The following NOTCH2NLC variants were observed in gnomAD, a reference collection of about 807,000 sequenced individuals.
The protein encoded by NOTCH2NLC is notch homolog 2 N-terminal-like protein C.
Under a neutral mutation model 17.7 loss-of-function variants are expected in NOTCH2NLC, and 4 were observed. The observed-to-expected ratio is 0.23, with a 90% CI of 0.11 to 0.52. The LOEUF (loss-of-function observed/expected upper bound fraction) is 0.52, where lower values mean the gene tolerates loss of function less well. NOTCH2NLC is among the 20% of genes least tolerant of loss of function. NOTCH2NLC has a pLI of 0.96. For synonymous variants in NOTCH2NLC, 18 were observed against 86.0 expected (o/e 0.21, Z 4.38); for missense variants, 57 against 207.2 (o/e 0.28, Z 4.45).
chr1:149,414,535 A>G (rs1466799736), intron 1 of NOTCH2NLC, among the ~76,000 whole-genome samples: 2 of 151,164 alleles, frequency 1.3e-5, no homozygotes, highest in Non-Finnish European at 3.0e-5. Context: ...ATACCCCAAG[A>G]AAAACATTTT....
rs1231791370 is a variant in NOTCH2NLC, at chr1:149,471,170, A to G, written c.*7017A>G. Reference sequence around the variant, plus strand: ...CCTTTACCTACTTTATAATTGGTTTATCTTTTTAATATTGAACTGTAATAG... The same window carrying G: ...CCTTTACCTACTTTATAATTGGTTTGTCTTTTTAATATTGAACTGTAATAG... On this transcript the variant is annotated 3_prime_UTR_variant, in exon 5 of 5. Coordinates refer to ENST00000650865, the MANE Select transcript of NOTCH2NLC (RefSeq NM_001364013.2). Among the ~76,000 whole-genome samples, 5 of 150,624 alleles carry G rather than the reference A, an allele frequency of 3.3e-5. 1 individual carries two copies. Among genetic ancestry groups the G allele is most frequent in the Non-Finnish European group, 5.9e-5 (4 of 67,420 alleles).
intron 2 of NOTCH2NLC, among the ~76,000 whole-genome samples, chr1:149,446,443 C>T (rs1359236680): frequency 6.5e-5 from 9 of 139,108 alleles, no homozygotes; most frequent in Non-Finnish European, 7.8e-5. Flanking sequence ...CAACCCCATG[C>T]GTATGTTTGA....
intron 1 of NOTCH2NLC, among the ~76,000 whole-genome samples, chr1:149,416,726 G>A (rs1457506956): frequency 6.6e-6 from 1 of 150,534 alleles, no homozygotes; most frequent in Admixed American, 6.6e-5. Flanking sequence ...TCAGTCATAG[G>A]GTAGTTTTTT....
chr1:149,429,311 A>G (rs1290499904), intron 1 of NOTCH2NLC, among the ~76,000 whole-genome samples: 1 of 150,250 alleles, frequency 6.7e-6, no homozygotes, highest in Non-Finnish European at 1.5e-5. Context: ...GGGTATAATA[A>G]TATCCACCCT....
In NOTCH2NLC at chr1:149,442,187, C is replaced by T. The variant is rs1413221815; in HGVS notation, c.209+11172C>T. The stretch of plus-strand genomic sequence containing the variant: ...TAGAAGATGGTTAGACCTTTCTATC[C>T]CTTTTAAACACAAGATTCTTTTTCA... On this transcript the variant is annotated intron_variant, in intron 2 of 4. Transcript: ENST00000650865. Among the ~76,000 whole-genome samples the T allele has an allele frequency of 2.6e-4, 38 of 148,758 alleles. 1 individual carries two copies. Among genetic ancestry groups the T allele is most frequent in the African/African-American group, 8.1e-4 (33 of 40,606 alleles).
chr1:149,432,978 A>G (rs1214229007), intron 2 of NOTCH2NLC, among the ~76,000 whole-genome samples: 2 of 149,346 alleles, frequency 1.3e-5, no homozygotes, highest in East Asian at 4.0e-4. Flanking sequence ...ACACATGCAC[A>G]TGTGTGTTTA....
chr1:149,429,909 AAG>A (rs2084436380), intron 1 of NOTCH2NLC, among the ~76,000 whole-genome samples: 1 of 150,804 alleles, frequency 6.6e-6, no homozygotes, highest in Admixed American at 6.6e-5. Flanking sequence ...ACTTCCAAGA[AAG>A]AGTTCATGAG....
chr1:149,416,751 A>G (rs1443793991), intron 1 of NOTCH2NLC, among the ~76,000 whole-genome samples: 19 of 150,554 alleles, frequency 1.3e-4, no homozygotes, highest in African/African-American at 4.4e-4. Context: ...TTTCCTGGAG[A>G]AATAATGCAT....
At chr1:149,412,207 A>G (rs1180027819) in intron 1 of NOTCH2NLC, among the ~76,000 whole-genome samples, 1 of 150,296 alleles carries the variant, frequency 6.7e-6, no homozygotes, top group Non-Finnish European at 1.5e-5. Context: ...GCTTTAGTCC[A>G]TTGTTTTTTA....
intron 2 of NOTCH2NLC, among the ~76,000 whole-genome samples, chr1:149,439,959 A>G (rs2084506194): frequency 1.3e-5 from 2 of 149,212 alleles, no homozygotes; most frequent in South Asian, 2.1e-4. Context: ...AAGAAAAGTG[A>G]AAATAAAGAC....
intron 1 of NOTCH2NLC, among the ~76,000 whole-genome samples, chr1:149,394,453 TTATC>T (rs1570897138): frequency 2.0e-5 from 3 of 151,158 alleles, no homozygotes; most frequent in Middle Eastern, 3.2e-3. Context: ...TTTCTTCTGT[TTATC>T]TGGGTGCAGT....
intron 2 of NOTCH2NLC, among the ~76,000 whole-genome samples, chr1:149,446,632 A>G: frequency 6.8e-6 from 1 of 147,200 alleles, no homozygotes. Context: ...CACTGTGCCC[A>G]GCTGAGACTT....
intron 3 of NOTCH2NLC, among the ~76,000 whole-genome samples, chr1:149,460,871 CT>C (rs1376214557): frequency 3.8e-5 from 2 of 52,918 alleles, no homozygotes; most frequent in African/African-American, 1.3e-4. Context: ...TTCTTTCTTT[CT>C]TTCTTTCTTT....
chr1:149,410,175 CAG>C (rs2084291211), intron 1 of NOTCH2NLC, among the ~76,000 whole-genome samples: 1 of 124,942 alleles, frequency 8.0e-6, no homozygotes, highest in Non-Finnish European at 1.7e-5. Flanking sequence ...AGATCTAATG[CAG>C]AGTCACATGA....
chr1:149,398,902 C>T (rs1313992827), intron 1 of NOTCH2NLC, among the ~76,000 whole-genome samples: 6 of 152,166 alleles, frequency 3.9e-5, no homozygotes, highest in African/African-American at 9.7e-5. Context: ...TGTTGCATAA[C>T]GACAGGTTGG....
chr1:149,412,751 T>C (rs1403672711), intron 1 of NOTCH2NLC, among the ~76,000 whole-genome samples: 1 of 117,400 alleles, frequency 8.5e-6, no homozygotes, highest in African/African-American at 3.2e-5. Flanking sequence ...AGGCGGAGGC[T>C]GCCATGAGCT....
At chr1:149,430,193 T>TTTCTGTA (rs2084439472) in intron 1 of NOTCH2NLC, among the ~76,000 whole-genome samples, 1 of 144,280 alleles carries the variant, frequency 6.9e-6, no homozygotes, top group African/African-American at 2.6e-5. Flanking sequence ...TAAAGTGCCT[T>TTTCTGTA]TTTATTGTCT....
At chr1:149,442,057 A>G (rs1372653948) in intron 2 of NOTCH2NLC, among the ~76,000 whole-genome samples, 3 of 148,770 alleles carry the variant, frequency 2.0e-5, no homozygotes, top group South Asian at 4.3e-4. Context: ...AGTCAGTTTT[A>G]GCCTTGTATA....
At position 149,400,114 on chromosome 1, in the gene NOTCH2NLC, A is replaced by T. The variant is rs1193034207; in HGVS notation, c.135+9192A>T. 4.8e-4 allele frequency among the ~76,000 whole-genome samples: 63 copies of T among 130,786 alleles called. 4 individuals are homozygous for T. The highest frequency in any genetic ancestry group is 7.3e-4 in the East Asian group (2 of 2,736). The allele number at this position is 130,786 out of a possible 152,430, so 85.8% of individuals were successfully genotyped here. A position where few individuals can be genotyped will look rare whatever the true frequency, so the allele number is the denominator to read the frequency against. On this transcript the variant is annotated intron_variant, in intron 1 of 4. Coordinates refer to ENST00000650865, the MANE Select transcript of NOTCH2NLC (RefSeq NM_001364013.2). Reference sequence around the variant, plus strand: ...ATTTAGAAAAGCTGTTGATTTATTTATATATATATATATATATAATATATA... The same window carrying T: ...ATTTAGAAAAGCTGTTGATTTATTTTTATATATATATATATATAATATATA...
Sources: gnomAD v4.1 joint callset for allele counts (sites outside exome capture counted in the v4.1 genomes callset) on GRCh38, gnomAD v4.1.1 for gene constraint, MANE v1.5 for transcripts, NCBI Gene and HGNC (gene_info 2026-07-23, HGNC 2026-07-21) for gene names.